RHOQ: variants seen among roughly 807,000 people sequenced by gnomAD.
RHOQ encodes the protein rho-related GTP-binding protein RhoQ.
Under a neutral mutation model 25.8 loss-of-function variants are expected in RHOQ, and 7 were observed. The observed-to-expected ratio is 0.27, with a 90% CI of 0.15 to 0.51. The LOEUF (loss-of-function observed/expected upper bound fraction) is 0.51, where lower values mean the gene tolerates loss of function less well. Ranked by LOEUF, RHOQ falls within the 20% of genes least tolerant of loss-of-function variation. The pLI is 0.97. For missense variants in RHOQ, 165 were observed against 260.6 expected (o/e 0.63, Z 2.53); for synonymous variants, 97 against 98.6 (o/e 0.98, Z 0.10).
chr2:46,563,072 A>C (rs571116105), intron 2 of RHOQ, among the ~76,000 whole-genome samples: 49 of 152,344 alleles, frequency 3.2e-4, no homozygotes, highest in African/African-American at 1.2e-3. Context: ...TATAAATAAA[A>C]GAAACAGAAA....
At position 46,583,027 on chromosome 2, in the gene RHOQ, A is replaced by C. The variant is rs1024384179; in HGVS notation, c.*1944A>C. ...CTGCTTATTTTTAGATAAAATTGAA[A>C]GGAATTGTATAAATCAATTAACATA... On this transcript the variant is annotated 3_prime_UTR_variant, in exon 5 of 5. Transcript: ENST00000238738. The C allele has an allele frequency of 1.3e-5, 2 of 152,206 alleles. No homozygotes were observed. The highest frequency in any genetic ancestry group is 4.8e-5 in the African/African-American group (2 of 41,472). 9.4% of individuals were successfully genotyped at this position (152,206 alleles called of 1,614,324 possible).
chr2:46,583,104 T>C lies in RHOQ; in HGVS notation c.*2021T>C, dbSNP rs1159652786. 6.6e-6 allele frequency: 1 copy of C among 152,222 alleles called. No homozygotes were observed. The highest frequency in any genetic ancestry group is 1.9e-4 in the East Asian group (1 of 5,200). The allele number at this position is 152,222 out of a possible 1,614,324, so 9.4% of individuals were successfully genotyped here. On this transcript the variant is annotated 3_prime_UTR_variant, in exon 5 of 5. Coordinates refer to ENST00000238738, the MANE Select transcript of RHOQ (RefSeq NM_012249.4). The stretch of plus-strand genomic sequence containing the variant: ...TAAACGAATTACAACAGTAAACTAT[T>C]ACACATTTCCAACTTGCCTTTGGGG...
rs61759911 is a variant in RHOQ at position 46,581,016 on chromosome 2, C to A, written c.551C>A (p.Thr184Asn). Reference sequence around the variant, plus strand: ...GATGAGGCTATCATAGCCATTTTAACTCCAAAGAAACACACTGTAAAAAAA... The same window carrying A: ...GATGAGGCTATCATAGCCATTTTAAATCCAAAGAAACACACTGTAAAAAAA... ...VFDEAIIAIL[T>N]PKKHTVKKRI... Residue 184 changes from threonine (T) to asparagine (N), a missense_variant, in exon 5 of 5, where the codon ACT (threonine) becomes AAT (asparagine). Physicochemically the swap from Thr to Asn is moderately conservative, Grantham distance 65. Transcript: ENST00000238738. 13 of 1,590,678 alleles carry A rather than the reference C, an allele frequency of 8.2e-6. No individual in the cohort carries two copies. Among genetic ancestry groups the A allele is most frequent in the Non-Finnish European group, 1.1e-5 (13 of 1,170,836 alleles).
chr2:46,555,062 A>G lies in RHOQ; in HGVS notation c.201+11250A>G, dbSNP rs1383474746. Among the ~76,000 whole-genome samples the G allele has an allele frequency of 1.3e-5, 2 of 152,228 alleles. No homozygotes were observed. The highest frequency in any genetic ancestry group is 4.8e-5 in the African/African-American group (2 of 41,460). The stretch of plus-strand genomic sequence containing the variant: ...AGGAATGGGGAAGGGACTGGACACG[A>G]GGAGGGACAGAGCAGGCAGATGGGG... On this transcript the variant is annotated intron_variant, in intron 2 of 4. Coordinates refer to ENST00000238738, the MANE Select transcript of RHOQ (RefSeq NM_012249.4). The surrounding 1 kb of genome is among the most constrained non-coding windows in gnomAD (Gnocchi z 4.3).
Position 46,548,500 on chromosome 2 carries a change from A to T in RHOQ, c.201+4688A>T, listed in dbSNP as rs902346926. Among the ~76,000 whole-genome samples, 1 of 152,250 alleles carries T rather than the reference A, an allele frequency of 6.6e-6. No homozygotes were observed. The highest frequency in any genetic ancestry group is 2.4e-5 in the African/African-American group (1 of 41,468). ...TCTCCCAGATGAGGAAATTGGGAAC[A>T]AGTGGGCTTATGGGAACCAGACAGA... On this transcript the variant is annotated intron_variant, in intron 2 of 4. Transcript: ENST00000238738. The surrounding 1 kb of genome is among the most constrained non-coding windows in gnomAD (Gnocchi z 5.2).
chr2:46,571,259 T>C (rs114242887), intron 2 of RHOQ, among the ~76,000 whole-genome samples: 331 of 152,338 alleles, frequency 2.2e-3, no homozygotes, highest in Non-Finnish European at 4.1e-3. Flanking sequence ...AAAGCTGTTA[T>C]GCATTTGTGT....
chr2:46,572,850 A>T (rs1430620778), intron 2 of RHOQ: 1 of 411,498 alleles, frequency 2.4e-6, no homozygotes, highest in African/African-American at 2.1e-5. Flanking sequence ...ATGGCTGAAG[A>T]TGAAAGATTC....
chr2:46,572,860 C>T (rs1207169992), intron 2 of RHOQ: 6 of 399,756 alleles, frequency 1.5e-5, no homozygotes, highest in Middle Eastern at 3.6e-4. Flanking sequence ...ATGAAAGATT[C>T]TGCACACCTC....
rs765355378 is a variant in RHOQ, at chr2:46,581,123, C to G, written c.*40C>G. The G allele has an allele frequency of 6.3e-6, 9 of 1,427,634 alleles. No individual in the cohort carries two copies. The highest frequency in any genetic ancestry group is 2.4e-5 in the Admixed American group (1 of 41,018). The allele number at this position is 1,427,634 out of a possible 1,614,324, so 88.4% of individuals were successfully genotyped here. A position where few individuals can be genotyped will look rare whatever the true frequency, so the allele number is the denominator to read the frequency against. On this transcript the variant is annotated 3_prime_UTR_variant, in exon 5 of 5. Transcript: ENST00000238738. ...GGCCAAGGAAACTGTCCATTTCTCT[C>G]AGAAAGCAAATGAAATGCTACAGCT... is the stretch of plus-strand genomic sequence containing the variant.
intron 2 of RHOQ, among the ~76,000 whole-genome samples, chr2:46,561,132 G>A (rs1170383002): frequency 6.6e-6 from 1 of 151,796 alleles, no homozygotes; most frequent in Non-Finnish European, 1.5e-5. Context: ...ATATGTCTGT[G>A]TGTGTGTGTA....
At position 46,581,250 on chromosome 2, in the gene RHOQ, G is replaced by A. The variant is rs1669357787; in HGVS notation, c.*167G>A. 1.0e-6 allele frequency: 1 copy of A among 989,756 alleles called. No homozygotes were observed. Among genetic ancestry groups the A allele is most frequent in the Admixed American group, 3.0e-5 (1 of 32,886 alleles). 61.3% of individuals were successfully genotyped at this position (989,756 alleles called of 1,614,324 possible). ...AGTGTATTAAGAATGTTCCTTAAAG[G>A]TTTAAGAAGCAGTAAGCAGCATCTG... On this transcript the variant is annotated 3_prime_UTR_variant, in exon 5 of 5. Transcript: ENST00000238738.
intron 2 of RHOQ, among the ~76,000 whole-genome samples, chr2:46,574,255 C>G (rs184180196): frequency 2.9e-3 from 437 of 152,002 alleles, no homozygotes; most frequent in Non-Finnish European, 4.7e-3. Flanking sequence ...ATGAGAACAC[C>G]CCATTTCCCG....
chr2:46,563,084 G>T (rs189833412), intron 2 of RHOQ, among the ~76,000 whole-genome samples: 1 of 152,318 alleles, frequency 6.6e-6, no homozygotes, highest in Admixed American at 6.5e-5. Context: ...AAACAGAAAA[G>T]GTAAGTAACT....
rs1668413207 is a variant in RHOQ at position 46,556,447 on chromosome 2, T to A, written c.201+12635T>A. 6.6e-6 allele frequency among the ~76,000 whole-genome samples: 1 copy of A among 152,028 alleles called. No individual in the cohort carries two copies. Among genetic ancestry groups the A allele is most frequent in the Non-Finnish European group, 1.5e-5 (1 of 68,030 alleles). The stretch of plus-strand genomic sequence containing the variant: ...GGTAGAGGCGAGGGCTGATCTCTTC[T>A]CTACCCTTCTGATATTCTTTTTCTT... On this transcript the variant is annotated intron_variant, in intron 2 of 4. Transcript: ENST00000238738. The surrounding 1 kb of genome is among the most constrained non-coding windows in gnomAD (Gnocchi z 4.9).
At chr2:46,543,610 C>A in intron 1 of RHOQ, 144 bp from the exon 2 acceptor site, 2 of 705,464 alleles carry the variant, frequency 2.8e-6, no homozygotes, top group South Asian at 1.7e-5. Flanking sequence ...GCTGGCCGCA[C>A]GGGAAAAGGG....
At position 46,556,973 on chromosome 2, in the gene RHOQ, C is replaced by A. The variant is rs1668428268; in HGVS notation, c.201+13161C>A. Among the ~76,000 whole-genome samples the A allele has an allele frequency of 6.6e-6, 1 of 152,092 alleles. No individual in the cohort carries two copies. Among genetic ancestry groups the A allele is most frequent in the Non-Finnish European group, 1.5e-5 (1 of 68,028 alleles). On this transcript the variant is annotated intron_variant, in intron 2 of 4. Transcript: ENST00000238738. This position sits in a 1 kb window ranked among gnomAD's most constrained non-coding sequence, Gnocchi z 4.9. ...GCCAAAGAGTTAATCTACCATGTAG[C>A]CCCAGTGGAAAAATGGACAAGACAT...
In RHOQ at chr2:46,565,464, G is replaced by C. The variant is rs73926509; in HGVS notation, c.202-10623G>C. Among the ~76,000 whole-genome samples, 560 of 152,372 alleles carry C rather than the reference G, an allele frequency of 3.7e-3. 3 individuals are homozygous for C. The highest frequency in any genetic ancestry group is 0.013 in the African/African-American group (532 of 41,596). On this transcript the variant is annotated intron_variant, in intron 2 of 4. Transcript: ENST00000238738. Reference sequence around the variant, plus strand: ...ACTAAAATGCTTAAAGCATCACTCAGTCTGAGGCTCTCCTATTAAGAGCTC... The same window carrying C: ...ACTAAAATGCTTAAAGCATCACTCACTCTGAGGCTCTCCTATTAAGAGCTC...
At chr2:46,549,410 T>C (rs1330283985) in intron 2 of RHOQ, among the ~76,000 whole-genome samples, 1 of 152,110 alleles carries the variant, frequency 6.6e-6, no homozygotes, top group Non-Finnish European at 1.5e-5. Flanking sequence ...AGATTAGATC[T>C]AATGGTATGA....
intron 4 of RHOQ, chr2:46,580,549 C>A (rs1669320953): frequency 6.4e-6 from 1 of 156,814 alleles, no homozygotes; most frequent in African/African-American, 2.4e-5. Context: ...TCTGCTTTTT[C>A]CCCACAGCAT....
Sources: gnomAD v4.1 joint callset for allele counts (sites outside exome capture counted in the v4.1 genomes callset) on GRCh38, gnomAD v4.1.1 for gene constraint, Gnocchi (gnomAD v3.1) non-coding constraint, MANE v1.5 for transcripts, NCBI Gene and HGNC (gene_info 2026-07-23, HGNC 2026-07-21) for gene names.